The following PTDSS2 variants were observed in gnomAD, a reference collection of about 807,000 sequenced individuals.
PTDSS2 encodes phosphatidylserine synthase 2.
Under a neutral mutation model 64.7 loss-of-function variants are expected in PTDSS2, and 41 were observed. The ratio of observed to expected loss-of-function variants is 0.63; its 90% confidence interval spans 0.49 to 0.82. The LOEUF (loss-of-function observed/expected upper bound fraction) is 0.82. PTDSS2 is among the 40% of genes least tolerant of loss of function. PTDSS2 has a pLI of 0.00. For synonymous variants in PTDSS2, 297 were observed against 277.8 expected (o/e 1.07, Z -0.69); for missense variants, 485 against 650.0 (o/e 0.75, Z 2.76).
At chr11:482,267 G>T (rs1197348340) in intron 4 of PTDSS2, among the ~76,000 whole-genome samples, 1 of 148,218 alleles carries the variant, frequency 6.7e-6, no homozygotes, top group African/African-American at 2.5e-5. Context: ...CTGTCGCCCA[G>T]GCTGGAGTGC....
chr11:488,733 AC>A, intron 8 of PTDSS2, 86 bp downstream of exon 8: 1 of 971,762 alleles, frequency 1.0e-6, no homozygotes, highest in Non-Finnish European at 1.7e-6. Context: ...GACCCCGAGC[AC>A]CAGGCCCGTC....
intron 4 of PTDSS2, among the ~76,000 whole-genome samples, chr11:486,034 G>A (rs1424108643): frequency 6.6e-6 from 1 of 151,808 alleles, no homozygotes. Flanking sequence ...GTGTGCGCAG[G>A]CGAGTGTAAA....
rs758160873 is a variant in PTDSS2, at chr11:490,022, G to A, written c.1255G>A (p.Gly419Ser). 7.4e-6 allele frequency: 12 copies of A among 1,611,326 alleles called. No homozygotes were observed. Among genetic ancestry groups the A allele is most frequent in the East Asian group, 4.5e-5 (2 of 44,880 alleles). ...CTACATCTCCCAGTGCTGGACCCTC[G>A]GCTCCGTCCTGGCGCTCACCTGGAC... ...PFYISQCWTL[G>S]SVLALTWTVW... The change falls in exon 11 of 12, where the codon GGC (glycine) becomes AGC (serine). Residue 419 changes from glycine (G) to serine (S), a missense_variant. Around this residue, in one of 3 missense-constraint regions of PTDSS2, gnomAD observed 219 missense variants for 257.3 expected, o/e 0.85. Coordinates refer to ENST00000308020, the MANE Select transcript of PTDSS2 (RefSeq NM_030783.3).
At chr11:464,014 C>T (rs751701753) in intron 2 of PTDSS2, 5 of 151,200 alleles carry the variant, frequency 3.3e-5, no homozygotes, top group Non-Finnish European at 5.9e-5. Flanking sequence ...GAGACAGGGT[C>T]GTGCTCTGTT....
At position 486,700 on chromosome 11, in the gene PTDSS2, T is replaced by C. The variant is rs536204702; in HGVS notation, c.436-239T>C. On this transcript the variant is annotated intron_variant, in intron 4 of 11. Coordinates refer to ENST00000308020, the MANE Select transcript of PTDSS2 (RefSeq NM_030783.3). Reference sequence around the variant, plus strand: ...TACTAAAAATACAAAAAAAAAATACTAGCCGGGCGTGGTGGCGGGCGCCTG... The same window carrying C: ...TACTAAAAATACAAAAAAAAAATACCAGCCGGGCGTGGTGGCGGGCGCCTG... 4.6e-5 allele frequency among the ~76,000 whole-genome samples: 7 copies of C among 151,978 alleles called. No individual in the cohort carries two copies. In the South Asian group the frequency reaches 8.3e-4, roughly 18 times the overall value.
rs1381173591 is a variant in PTDSS2 at position 450,371 on chromosome 11, C to A, written c.-85C>A. ...CGCGACCCCTTCCCAGCGCTCCTCG[C>A]GCTGTGTGCGGCGCGTCCTCTCGCC... On this transcript the variant is annotated 5_prime_UTR_variant, in exon 1 of 12. Coordinates refer to ENST00000308020, the MANE Select transcript of PTDSS2 (RefSeq NM_030783.3). 2 of 1,154,780 alleles carry A rather than the reference C, an allele frequency of 1.7e-6. No homozygotes were observed. Among genetic ancestry groups the A allele is most frequent in the Non-Finnish European group, 2.2e-6 (2 of 922,390 alleles). The allele number at this position is 1,154,780 out of a possible 1,614,324, so 71.5% of individuals were successfully genotyped here. A position where few individuals can be genotyped will look rare whatever the true frequency, so the allele number is the denominator to read the frequency against.
In PTDSS2 at chr11:461,066, G is replaced by C. The variant is rs909663449; in HGVS notation, c.284+778G>C. ...AGGGTCTGAGACCAGCAGCAGGATG[G>C]GGACAGAGGTGGAAGGAGGCATTGG... is the stretch of plus-strand genomic sequence containing the variant. On this transcript the variant is annotated intron_variant, in intron 2 of 11. Transcript: ENST00000308020. This position sits in a 1 kb window ranked among gnomAD's most constrained non-coding sequence, Gnocchi z 4.2. The C allele has an allele frequency of 6.6e-6, 1 of 152,360 alleles. No homozygotes were observed. Among genetic ancestry groups the C allele is most frequent in the Non-Finnish European group, 1.5e-5 (1 of 68,104 alleles). 9.4% of individuals were successfully genotyped at this position (152,360 alleles called of 1,614,324 possible). A position where few individuals can be genotyped will look rare whatever the true frequency, so the allele number is the denominator to read the frequency against.
At chr11:481,575 C>G (rs1184762531) in intron 4 of PTDSS2, among the ~76,000 whole-genome samples, 1 of 152,166 alleles carries the variant, frequency 6.6e-6, no homozygotes, top group Non-Finnish European at 1.5e-5. Flanking sequence ...TCCTTTATTA[C>G]ATTTACTCCA....
At chr11:450,715 C>T in intron 1 of PTDSS2, 78 bp downstream of exon 1, 1 of 1,157,842 alleles carries the variant, frequency 8.6e-7, no homozygotes, top group East Asian at 3.2e-5. Context: ...CTGGGGGTCC[C>T]CGGCAGCGCC....
intron 8 of PTDSS2, among the ~76,000 whole-genome samples, 199 bp downstream of exon 8, chr11:488,846 C>T (rs1378138810): frequency 2.0e-5 from 3 of 152,214 alleles, no homozygotes; most frequent in South Asian, 2.1e-4. Context: ...GTGGCCATGG[C>T]GTCTGACCCA....
At chr11:481,429 A>C (rs748737176) in intron 4 of PTDSS2, among the ~76,000 whole-genome samples, 2 of 152,204 alleles carry the variant, frequency 1.3e-5, no homozygotes, top group Admixed American at 6.5e-5. Flanking sequence ...CGAATCTGCA[A>C]GTCTGTTTTG....
intron 3 of PTDSS2, among the ~76,000 whole-genome samples, chr11:475,211 GTC>G (rs1564979828): frequency 2.0e-3 from 137 of 69,048 alleles, no homozygotes; most frequent in African/African-American, 6.4e-3. Context: ...ACATAATCAC[GTC>G]TTTGTGTATA....
Position 461,323 on chromosome 11 carries a change from G to T in PTDSS2, c.284+1035G>T, listed in dbSNP as rs895587244. ...CCACTGATTTGACACCAGCCCTGTG[G>T]GCTCTAGAACACAAGCATGCCCAGT... On this transcript the variant is annotated intron_variant, in intron 2 of 11. Coordinates refer to ENST00000308020, the MANE Select transcript of PTDSS2 (RefSeq NM_030783.3). The surrounding 1 kb of genome is among the most constrained non-coding windows in gnomAD (Gnocchi z 4.2). Among the ~76,000 whole-genome samples, 4 of 152,196 alleles carry T rather than the reference G, an allele frequency of 2.6e-5. No homozygotes were observed. The highest frequency in any genetic ancestry group is 9.7e-5 in the African/African-American group (4 of 41,438).
Position 461,774 on chromosome 11 carries a change from C to A in PTDSS2, c.284+1486C>A, listed in dbSNP as rs1192174271. On this transcript the variant is annotated intron_variant, in intron 2 of 11. Coordinates refer to ENST00000308020, the MANE Select transcript of PTDSS2 (RefSeq NM_030783.3). This position sits in a 1 kb window ranked among gnomAD's most constrained non-coding sequence, Gnocchi z 4.2. ...GGGGTCACGTGCAGAACCTGCAGGC[C>A]CGGTGTGCACTGTGTAACTAGGCTC... Among the ~76,000 whole-genome samples, 1 of 152,136 alleles carries A rather than the reference C, an allele frequency of 6.6e-6. No individual in the cohort carries two copies. The highest frequency in any genetic ancestry group is 1.5e-5 in the Non-Finnish European group (1 of 68,004).
chr11:453,040 ATT>A (rs1440604813), intron 1 of PTDSS2, among the ~76,000 whole-genome samples: 1 of 151,880 alleles, frequency 6.6e-6, no homozygotes, highest in Non-Finnish European at 1.5e-5. Flanking sequence ...CAGGGCGTTC[ATT>A]TTCAAGGATG....
intron 2 of PTDSS2, among the ~76,000 whole-genome samples, chr11:473,267 C>T (rs908386327): frequency 6.6e-6 from 1 of 152,242 alleles, no homozygotes; most frequent in Non-Finnish European, 1.5e-5. Context: ...ACAGCTCTCA[C>T]GCTTCCATCT....
At position 487,213 on chromosome 11, in the gene PTDSS2, C is replaced by T. The variant is rs192055620; in HGVS notation, c.570+140C>T. On this transcript the variant is annotated intron_variant, in intron 5 of 11. Coordinates refer to ENST00000308020, the MANE Select transcript of PTDSS2 (RefSeq NM_030783.3). ...TGCAGAGATGTGCTGAGGCCCTGTC[C>T]GTCTGGATGGTGCTCATGGTGGGCA... is the stretch of plus-strand genomic sequence containing the variant. The T allele has an allele frequency of 1.1e-5, 11 of 1,013,126 alleles. No individual in the cohort carries two copies. The East Asian group carries it at 2.2e-4, about 20-fold the overall frequency. 62.8% of individuals were successfully genotyped at this position (1,013,126 alleles called of 1,614,324 possible).
chr11:489,702 A>G lies in PTDSS2; in HGVS notation c.1084A>G (p.Met362Val). 1 of 1,606,802 alleles carries G rather than the reference A, an allele frequency of 6.2e-7. No homozygotes were observed. ...CTTCGTGAACGTGGGTGGCGTGGCC[A>G]TGCGTGAGATCTACGACTTCATGGA... ...VFFVNVGGVA[M>V]REIYDFMDDP... The change falls in exon 10 of 12, where the codon ATG (methionine) becomes GTG (valine). Residue 362 changes from methionine (M) to valine (V), a missense_variant. Around this residue, in one of 3 missense-constraint regions of PTDSS2, gnomAD observed 219 missense variants for 257.3 expected, o/e 0.85. Transcript: ENST00000308020.
chr11:471,938 G>T (rs530908797), intron 2 of PTDSS2, among the ~76,000 whole-genome samples: 40 of 141,366 alleles, frequency 2.8e-4, no homozygotes, highest in Non-Finnish European at 3.7e-4. Flanking sequence ...GTGGCCTGGG[G>T]TGACGTGGAT....
Sources: gnomAD v4.1 joint callset for allele counts (sites outside exome capture counted in the v4.1 genomes callset) on GRCh38, gnomAD v4.1.1 for gene constraint, gnomAD v4.1.1 regional missense constraint, Gnocchi (gnomAD v3.1) non-coding constraint, MANE v1.5 for transcripts, NCBI Gene and HGNC (gene_info 2026-07-23, HGNC 2026-07-21) for gene names.